LRRC4C: variants seen among roughly 807,000 people sequenced by gnomAD.
LRRC4C encodes leucine rich repeat containing 4C.
Under a neutral mutation model 33.6 loss-of-function variants are expected in LRRC4C, and 5 were observed. The ratio of observed to expected loss-of-function variants is 0.15; its 90% CI spans 0.08 to 0.31. The LOEUF (loss-of-function observed/expected upper bound fraction) is 0.31. Ranked by LOEUF, LRRC4C falls within the 10% of genes least tolerant of loss-of-function variation. The pLI, the probability that LRRC4C is intolerant of heterozygous loss-of-function variation, is 1.00. For synonymous variants in LRRC4C, 329 were observed against 302.0 expected, an observed-to-expected ratio of 1.09 and a Z score of -0.93; for missense variants, 560 against 796.7, an observed-to-expected ratio of 0.70 and a Z score of 3.58.
intron 2 of LRRC4C, among the ~76,000 whole-genome samples, chr11:40,859,837 G>A (rs1565143000): frequency 6.6e-6 from 1 of 152,184 alleles, no homozygotes; most frequent in Non-Finnish European, 1.5e-5. Flanking sequence ...AGCACTTTGG[G>A]AGGCCGAGGC....
intron 3 of LRRC4C, among the ~76,000 whole-genome samples, chr11:40,633,795 T>C (rs1440410425): frequency 6.6e-6 from 1 of 152,194 alleles, no homozygotes; most frequent in Admixed American, 6.5e-5. Context: ...AATGGAGTTA[T>C]AGACAAATTT....
intron 2 of LRRC4C, among the ~76,000 whole-genome samples, chr11:40,664,157 A>G (rs1211024978): frequency 1.3e-5 from 2 of 152,222 alleles, no homozygotes; most frequent in Admixed American, 1.3e-4. Flanking sequence ...TGAGTAGTGT[A>G]TAATTCAACA....
At chr11:40,298,022 T>C (rs1944596079) in intron 4 of LRRC4C, among the ~76,000 whole-genome samples, 1 of 152,234 alleles carries the variant, frequency 6.6e-6, no homozygotes, top group South Asian at 2.1e-4. Flanking sequence ...GTATTTCTAA[T>C]GCTTTGTACA....
At chr11:40,123,938 A>C (rs1287550167) in intron 6 of LRRC4C, among the ~76,000 whole-genome samples, 2 of 152,154 alleles carry the variant, frequency 1.3e-5, no homozygotes, top group South Asian at 2.1e-4. Context: ...AAATCCATAC[A>C]TCTACAGTGA....
At chr11:40,839,382 A>T (rs1952815942) in intron 2 of LRRC4C, among the ~76,000 whole-genome samples, 1 of 152,068 alleles carries the variant, frequency 6.6e-6, no homozygotes, top group Non-Finnish European at 1.5e-5. Context: ...AGTAGCTGGG[A>T]TTACAGACAC....
intron 2 of LRRC4C, among the ~76,000 whole-genome samples, chr11:40,910,461 A>T (rs571643402): frequency 6.6e-6 from 1 of 152,332 alleles, no homozygotes; most frequent in African/African-American, 2.4e-5. Flanking sequence ...ATGTAGCTTT[A>T]ATGTCACTTG....
chr11:40,203,059 G>A (rs2135744827), intron 5 of LRRC4C, among the ~76,000 whole-genome samples: 1 of 152,196 alleles, frequency 6.6e-6, no homozygotes, highest in African/African-American at 2.4e-5. Context: ...AACTCCCCAG[G>A]GAAATCCTAG....
chr11:41,366,059 T>A (rs1041965276), intron 1 of LRRC4C, among the ~76,000 whole-genome samples: 2 of 152,152 alleles, frequency 1.3e-5, no homozygotes, highest in Admixed American at 6.6e-5. Context: ...ATAAACCTTT[T>A]TTTTTCTGCC....
At chr11:40,715,008 G>A (rs556907303) in intron 2 of LRRC4C, among the ~76,000 whole-genome samples, 111 of 152,206 alleles carry the variant, frequency 7.3e-4, no homozygotes, top group Middle Eastern at 3.4e-3. Context: ...TGCTGACTAC[G>A]GGCAGGCAAC....
At chr11:40,533,215 C>T (rs1449087948) in intron 3 of LRRC4C, among the ~76,000 whole-genome samples, 1 of 152,112 alleles carries the variant, frequency 6.6e-6, no homozygotes, top group Non-Finnish European at 1.5e-5. Flanking sequence ...TAAACTGTAA[C>T]TATTAAATTG....
At chr11:41,124,849 G>A (rs79427455) in intron 1 of LRRC4C, among the ~76,000 whole-genome samples, 2 of 152,096 alleles carry the variant, frequency 1.3e-5, no homozygotes, top group Non-Finnish European at 2.9e-5. Flanking sequence ...TTTTGAAAGA[G>A]AAATGGAAAT....
chr11:41,045,584 A>G (rs1050372603), intron 1 of LRRC4C, among the ~76,000 whole-genome samples: 13 of 152,160 alleles, frequency 8.5e-5, no homozygotes, highest in Non-Finnish European at 1.6e-4. Flanking sequence ...GGTGTTGAAC[A>G]TATGAGATAA....
rs537074926 is a variant in LRRC4C at position 41,322,553 on chromosome 11, T to A, written c.-496+136878A>T. On this transcript the variant is annotated intron_variant, in intron 1 of 6. Coordinates refer to ENST00000528697, the MANE Select transcript of LRRC4C (RefSeq NM_001258419.2). ...TGTATAGTTAATCCTGAAAATATAA[T>A]ACCTATTTGTCTTCATTTATGTTTT... is the stretch of plus-strand genomic sequence containing the variant. 3.9e-5 allele frequency among the ~76,000 whole-genome samples: 6 copies of A among 152,276 alleles called. No individual in the cohort carries two copies. The East Asian group carries it at 1.2e-3, about 29-fold the overall frequency.
rs139388597 is a variant in LRRC4C at position 41,329,140 on chromosome 11, T to C, written c.-496+130291A>G. ...CTTGGGGGAATATTTTCTTCAAGAC[T>C]CATTGGTAACTCATGATAGAAAAGA... On this transcript the variant is annotated intron_variant, in intron 1 of 6. Transcript: ENST00000528697. 4.1e-4 allele frequency among the ~76,000 whole-genome samples: 63 copies of C among 152,328 alleles called. 1 individual carries two copies. In the East Asian group the frequency reaches 9.3e-3, roughly 22 times the overall value.
At chr11:40,126,006 G>A (rs2134725976) in intron 6 of LRRC4C, among the ~76,000 whole-genome samples, 1 of 151,854 alleles carries the variant, frequency 6.6e-6, no homozygotes, top group African/African-American at 2.4e-5. Context: ...ATATGCCCAG[G>A]GCTGAATCAG....
At chr11:41,102,517 C>A (rs1257113834) in intron 1 of LRRC4C, among the ~76,000 whole-genome samples, 4 of 152,024 alleles carry the variant, frequency 2.6e-5, no homozygotes, top group Non-Finnish European at 4.4e-5. Context: ...GACCTTCTGG[C>A]TAAAATATTA....
intron 4 of LRRC4C, among the ~76,000 whole-genome samples, chr11:40,264,971 G>A (rs1222091242): frequency 2.6e-5 from 4 of 152,196 alleles, no homozygotes; most frequent in Middle Eastern, 3.4e-3. Flanking sequence ...TGAACTAAAC[G>A]GCTAAAGGTC....
Position 40,433,608 on chromosome 11 carries a change from C to T in LRRC4C, c.-269-113887G>A, listed in dbSNP as rs148448903. On this transcript the variant is annotated intron_variant, in intron 3 of 6. Coordinates refer to ENST00000528697, the MANE Select transcript of LRRC4C (RefSeq NM_001258419.2). ...GAATTCAGAGTGACAAGCTCCCTGA[C>T]GAAGTTTTGCCTCTCAGCAGCAGAT... Among the ~76,000 whole-genome samples, 122 of 152,258 alleles carry T rather than the reference C, an allele frequency of 8.0e-4. 1 individual carries two copies. The highest frequency in any genetic ancestry group is 4.1e-4 in the African/African-American group (17 of 41,556).
chr11:41,087,259 G>C (rs1291602824), intron 1 of LRRC4C, among the ~76,000 whole-genome samples: 2 of 151,974 alleles, frequency 1.3e-5, no homozygotes, highest in South Asian at 2.1e-4. Context: ...GCCCATTTCA[G>C]TTTCTGAACA....
Sources: allele counts gnomAD v4.1 joint callset (sites outside exome capture counted in the v4.1 genomes callset), GRCh38; gene constraint gnomAD v4.1.1; transcripts MANE v1.5; gene names NCBI Gene and HGNC (gene_info 2026-07-23, HGNC 2026-07-21).